CDH6: variants seen among roughly 807,000 people sequenced by gnomAD.
The protein encoded by CDH6 is cadherin 6, also known as cadherin-6.
A neutral mutation model predicts 78.0 loss-of-function variants in CDH6; 31 were observed. That is an observed-to-expected ratio of 0.40 (90% CI 0.30 to 0.54). The LOEUF (loss-of-function observed/expected upper bound fraction) is 0.54. CDH6 is among the 20% of genes least tolerant of loss of function. CDH6 has a pLI of 0.56. For synonymous variants in CDH6, 376 were observed against 368.8 expected (o/e 1.02, Z -0.23); for missense variants, 724 against 975.9 (o/e 0.74, Z 3.44).
chr5:31,260,150 C>T (rs946383690), intron 1 of CDH6, among the ~76,000 whole-genome samples: 2 of 152,192 alleles, frequency 1.3e-5, no homozygotes, highest in Admixed American at 1.3e-4. Context: ...GTTTAAGTAG[C>T]TGTAGCCATC....
At chr5:31,239,432 C>A (rs1462947393) in intron 1 of CDH6, among the ~76,000 whole-genome samples, 1 of 152,108 alleles carries the variant, frequency 6.6e-6, no homozygotes, top group Non-Finnish European at 1.5e-5. Flanking sequence ...TATTTCTTAT[C>A]CACACTGTTA....
intron 11 of CDH6, among the ~76,000 whole-genome samples, chr5:31,319,823 C>T (rs551073987): frequency 3.5e-4 from 54 of 152,324 alleles, no homozygotes; most frequent in African/African-American, 1.3e-3. Flanking sequence ...ACAACTACTA[C>T]ATCTCATGTC....
intron 1 of CDH6, among the ~76,000 whole-genome samples, chr5:31,200,567 T>TACACAC (rs10533381): frequency 0.01 from 1,461 of 144,456 alleles, 17 homozygotes; most frequent in Middle Eastern, 0.032. Context: ...CACACATACA[T>TACACAC]ACACACACAC....
At chr5:31,317,526 T>A (rs991930283) in intron 10 of CDH6, 34 bp downstream of exon 10, 5 of 1,516,334 alleles carry the variant, frequency 3.3e-6, no homozygotes, top group Non-Finnish European at 4.6e-6. Context: ...TCTATCTATC[T>A]CCATCTATAT....
intron 1 of CDH6, among the ~76,000 whole-genome samples, chr5:31,197,704 G>A (rs1267196799): frequency 6.6e-6 from 1 of 152,150 alleles, no homozygotes; most frequent in African/African-American, 2.4e-5. Context: ...GAATATTAGA[G>A]AAGAAATACA....
intron 1 of CDH6, among the ~76,000 whole-genome samples, chr5:31,241,697 T>C (rs952058150): frequency 2.0e-5 from 3 of 152,152 alleles, no homozygotes; most frequent in Non-Finnish European, 4.4e-5. Flanking sequence ...TCTGAACAAA[T>C]GGAGTGCAGA....
chr5:31,319,817 C>T (rs1738428584), intron 11 of CDH6, among the ~76,000 whole-genome samples: 1 of 152,182 alleles, frequency 6.6e-6, no homozygotes, highest in Non-Finnish European at 1.5e-5. Context: ...AACTAGACAA[C>T]TACTACATCT....
chr5:31,322,863 A>T lies in CDH6; in HGVS notation c.1928A>T (p.Glu643Val), dbSNP rs745552497. 5 of 1,614,010 alleles carry T rather than the reference A, an allele frequency of 3.1e-6. No homozygotes were observed. Among genetic ancestry groups the T allele is most frequent in the Non-Finnish European group, 4.2e-6 (5 of 1,179,916 alleles). ...GCTCTGAGGCGGCAGCGAAAAAAAG[A>T]GCCTTTGATCATTTCCAAAGAGGAC... ...FAALRRQRKK[E>V]PLIISKEDIR... The change falls in exon 12 of 12, where the codon GAG (glutamate) becomes GTG (valine). Residue 643 changes from glutamate (E) to valine (V), a missense_variant. Physicochemically the swap from Glu to Val is moderately radical, Grantham distance 121. This residue lies in a region of CDH6 where 220 missense variants were observed against 240.6 expected (regional missense o/e 0.91). Coordinates refer to ENST00000265071, the MANE Select transcript of CDH6 (RefSeq NM_004932.4).
chr5:31,267,713 T>C lies in CDH6; in HGVS notation c.228+12T>C, dbSNP rs768973619. 1.3e-5 allele frequency: 21 copies of C among 1,588,470 alleles called. No homozygotes were observed. The Admixed American group carries it at 2.3e-4, about 18-fold the overall frequency. Reference sequence around the variant, plus strand: ...AGTATGTGGGCAAGGTAGGATTCCTTTGAGTGCTTTGACATTCTGGGTTTA... The same window carrying C: ...AGTATGTGGGCAAGGTAGGATTCCTCTGAGTGCTTTGACATTCTGGGTTTA... On this transcript the variant is annotated intron_variant, in intron 2 of 11. Coordinates refer to ENST00000265071, the MANE Select transcript of CDH6 (RefSeq NM_004932.4).
intron 6 of CDH6, among the ~76,000 whole-genome samples, chr5:31,302,982 A>AAGAG (rs921312123): frequency 6.6e-6 from 1 of 151,894 alleles, no homozygotes; most frequent in Non-Finnish European, 1.5e-5. Flanking sequence ...GAAAGAAAGA[A>AAGAG]AGAAAACCAA....
intron 5 of CDH6, 59 bp from the exon 6 acceptor site, chr5:31,302,052 T>C (rs1323145800): frequency 1.7e-6 from 2 of 1,189,384 alleles, no homozygotes; most frequent in African/African-American, 3.0e-5. Flanking sequence ...GTTTTGTTTT[T>C]ATGATGATAA....
At chr5:31,217,474 T>G (rs116226943) in intron 1 of CDH6, among the ~76,000 whole-genome samples, 348 of 152,294 alleles carry the variant, frequency 2.3e-3, no homozygotes, top group Non-Finnish European at 4.4e-3. Context: ...ACCAACAGTG[T>G]GAAAACCTGG....
Position 31,294,401 on chromosome 5 carries a change from A to G in CDH6, c.523+145A>G. 1.5e-6 allele frequency: 1 copy of G among 660,476 alleles called. No individual in the cohort carries two copies. The highest frequency in any genetic ancestry group is 2.7e-6 in the Non-Finnish European group (1 of 375,958). The allele number at this position is 660,476 out of a possible 1,614,324, so 40.9% of individuals were successfully genotyped here. A position where few individuals can be genotyped will look rare whatever the true frequency, so the allele number is the denominator to read the frequency against. Reference sequence around the variant, plus strand: ...ATGTATGTCCTTTCTGTAAGTGCATATGTTTCCTAATATTACTCTAGTCTC... The same window carrying G: ...ATGTATGTCCTTTCTGTAAGTGCATGTGTTTCCTAATATTACTCTAGTCTC... On this transcript the variant is annotated intron_variant, in intron 3 of 11. Transcript: ENST00000265071. This position sits in a 1 kb window ranked among gnomAD's most constrained non-coding sequence, Gnocchi z 4.1.
At chr5:31,244,118 A>C (rs766901229) in intron 1 of CDH6, among the ~76,000 whole-genome samples, 4 of 152,198 alleles carry the variant, frequency 2.6e-5, no homozygotes, top group Non-Finnish European at 4.4e-5. Flanking sequence ...AATTGTATTT[A>C]TTAGGAAGTA....
intron 11 of CDH6, among the ~76,000 whole-genome samples, chr5:31,321,938 A>G (rs1738486936): frequency 6.6e-6 from 1 of 152,196 alleles, no homozygotes; most frequent in East Asian, 1.9e-4. Flanking sequence ...TCTCTCTACA[A>G]GTAGCCAGCT....
rs1741176307 is a variant in CDH6 at position 31,227,167 on chromosome 5, C to T, written c.-129+33281C>T. Among the ~76,000 whole-genome samples the T allele has an allele frequency of 2.6e-5, 4 of 152,224 alleles. No individual in the cohort carries two copies. In the South Asian group the frequency reaches 8.3e-4, roughly 32 times the overall value. ...AGTGGAGGTATCTCCTCACCCTATC[C>T]CACTTCACCCCCTTTCTGAAACTAA... On this transcript the variant is annotated intron_variant, in intron 1 of 11. Transcript: ENST00000265071.
At chr5:31,220,640 C>T (rs1460272387) in intron 1 of CDH6, among the ~76,000 whole-genome samples, 1 of 152,068 alleles carries the variant, frequency 6.6e-6, no homozygotes, top group Non-Finnish European at 1.5e-5. Flanking sequence ...TACATATGTA[C>T]ATAAAAACTA....
intron 7 of CDH6, among the ~76,000 whole-genome samples, chr5:31,310,764 C>A (rs1314381298): frequency 2.0e-5 from 3 of 152,240 alleles, no homozygotes; most frequent in African/African-American, 7.2e-5. Flanking sequence ...TCTGAAGCCA[C>A]AGCCTGAGCT....
chr5:31,294,081 G>A lies in CDH6; in HGVS notation c.348G>A (p.Leu116=). Residue 116 remains leucine, a synonymous_variant, in exon 3 of 12, where the codon CTG becomes CTA. Coordinates refer to ENST00000265071, the MANE Select transcript of CDH6 (RefSeq NM_004932.4). This position sits in a 1 kb window ranked among gnomAD's most constrained non-coding sequence, Gnocchi z 4.1. ...NTGDIQATKR[L]DREEKPVYIL... ...GCGACATACAGGCCACCAAGAGGCT[G>A]GACAGGGAAGAAAAACCCGTTTACA... The A allele has an allele frequency of 6.2e-7, 1 of 1,613,810 alleles. No homozygotes were observed. The highest frequency in any genetic ancestry group is 8.5e-7 in the Non-Finnish European group (1 of 1,179,902).
Sources: allele counts gnomAD v4.1 joint callset (sites outside exome capture counted in the v4.1 genomes callset), GRCh38; gene constraint gnomAD v4.1.1; regional missense constraint gnomAD v4.1.1; non-coding constraint Gnocchi (gnomAD v3.1); transcripts MANE v1.5; gene names NCBI Gene and HGNC (gene_info 2026-07-23, HGNC 2026-07-21).